ICA1L: variants seen among roughly 807,000 people sequenced by gnomAD.
ICA1L encodes islet cell autoantigen 1 like, also known as islet cell autoantigen 1-like protein.
Under a neutral mutation model 61.3 loss-of-function variants are expected in ICA1L, and 50 were observed. That is an observed-to-expected ratio of 0.82 (90% confidence interval 0.65 to 1.03). The LOEUF (loss-of-function observed/expected upper bound fraction) is 1.03, where lower values mean the gene tolerates loss of function less well. ICA1L is among the 50% of genes least tolerant of loss of function. ICA1L has a pLI of 0.00. For synonymous variants in ICA1L, 161 were observed against 191.3 expected (o/e 0.84, Z 1.31); for missense variants, 508 against 556.7 (o/e 0.91, Z 0.88).
intron 4 of ICA1L, 58 bp from the exon 5 acceptor site, chr2:202,819,957 A>G (rs1693653427): frequency 3.0e-6 from 4 of 1,314,474 alleles, no homozygotes; most frequent in Non-Finnish European, 4.3e-6. Flanking sequence ...AAACAAAACA[A>G]AGGTTTAAAC....
intron 10 of ICA1L, among the ~76,000 whole-genome samples, chr2:202,789,615 C>T (rs566882378): frequency 6.6e-6 from 1 of 152,116 alleles, no homozygotes; most frequent in South Asian, 2.1e-4. Flanking sequence ...ACAACATGCT[C>T]TGATCATAAT....
intron 9 of ICA1L, among the ~76,000 whole-genome samples, chr2:202,801,780 C>T (rs559243378): frequency 1.4e-4 from 22 of 152,258 alleles, no homozygotes; most frequent in East Asian, 1.3e-3. Flanking sequence ...CCTTGGCAAA[C>T]GCAAGGAAAC....
At chr2:202,837,678 C>T (rs948854285) in intron 1 of ICA1L, among the ~76,000 whole-genome samples, 5 of 151,048 alleles carry the variant, frequency 3.3e-5, no homozygotes, top group African/African-American at 1.2e-4. Context: ...TAACTTTGGG[C>T]TTAGTTTGTT....
Position 202,848,061 on chromosome 2 carries a change from T to C in ICA1L, c.-7-19045A>G, listed in dbSNP as rs533290264. 5.9e-5 allele frequency among the ~76,000 whole-genome samples: 9 copies of C among 152,226 alleles called. No individual in the cohort carries two copies. The East Asian group carries it at 1.7e-3, about 29-fold the overall frequency. On this transcript the variant is annotated intron_variant, in intron 1 of 12. Coordinates refer to ENST00000358299, the MANE Select transcript of ICA1L (RefSeq NM_001288622.3). The stretch of plus-strand genomic sequence containing the variant: ...CACATGGACATAAAGATGGGAATAG[T>C]AGACACTGGGGACTACTGGAGTGGG...
chr2:202,806,670 T>TA (rs929735848), intron 9 of ICA1L, among the ~76,000 whole-genome samples: 21 of 150,946 alleles, frequency 1.4e-4, no homozygotes, highest in African/African-American at 4.4e-4. Flanking sequence ...GAAGAAAAGG[T>TA]AAAAAAAAGA....
chr2:202,777,878 T>C lies in ICA1L; in HGVS notation c.*1655A>G, dbSNP rs1692274115. The stretch of plus-strand genomic sequence containing the variant: ...TGTGAATAACTTAGTTAAAATGTCT[T>C]TTTTTTTTTTTTTTTTTTTTGAGAC... On this transcript the variant is annotated 3_prime_UTR_variant, in exon 13 of 13. Coordinates refer to ENST00000358299, the MANE Select transcript of ICA1L (RefSeq NM_001288622.3). 4 of 111,580 alleles carry C rather than the reference T, an allele frequency of 3.6e-5. No individual in the cohort carries two copies. The highest frequency in any genetic ancestry group is 2.7e-4 in the Admixed American group (3 of 11,152). The allele number at this position is 111,580 out of a possible 1,614,324, so 6.9% of individuals were successfully genotyped here.
intron 11 of ICA1L, chr2:202,786,561 A>T (rs1336546409): frequency 4.0e-6 from 1 of 249,208 alleles, no homozygotes; most frequent in African/African-American, 2.3e-5. Flanking sequence ...GTCTCAAAAA[A>T]AAAATAATAA....
At chr2:202,866,979 C>A (rs1000711377) in intron 1 of ICA1L, among the ~76,000 whole-genome samples, 1 of 152,084 alleles carries the variant, frequency 6.6e-6, no homozygotes, top group African/African-American at 2.4e-5. Flanking sequence ...AGAAAAAAAT[C>A]TTTGCAACCT....
At chr2:202,780,793 T>C (rs1179237737) in intron 12 of ICA1L, among the ~76,000 whole-genome samples, 2 of 152,146 alleles carry the variant, frequency 1.3e-5, no homozygotes, top group East Asian at 3.8e-4. Flanking sequence ...GTAGTATCAG[T>C]GATAACCACA....
intron 9 of ICA1L, among the ~76,000 whole-genome samples, chr2:202,803,197 C>A (rs1187316202): frequency 6.6e-6 from 1 of 152,018 alleles, no homozygotes; most frequent in Non-Finnish European, 1.5e-5. Flanking sequence ...CACCTGAGGT[C>A]AGGAGTTCGA....
chr2:202,839,558 C>CTCTG (rs1694258836), intron 1 of ICA1L, among the ~76,000 whole-genome samples: 2 of 114,432 alleles, frequency 1.7e-5, no homozygotes, highest in African/African-American at 7.6e-5. Flanking sequence ...ACAGTTAAGT[C>CTCTG]TGTGTGTGTG....
intron 1 of ICA1L, among the ~76,000 whole-genome samples, chr2:202,832,240 C>CA (rs987589758): frequency 4.6e-5 from 7 of 151,856 alleles, no homozygotes; most frequent in Admixed American, 4.6e-4. Flanking sequence ...AGTATCCAAT[C>CA]AAAAAACACT....
chr2:202,793,747 G>A (rs902358165), intron 10 of ICA1L, among the ~76,000 whole-genome samples: 4 of 152,048 alleles, frequency 2.6e-5, no homozygotes, highest in Non-Finnish European at 5.9e-5. Context: ...AGCACTTTGG[G>A]AGGCCGAGGC....
chr2:202,825,931 G>T (rs181346317), intron 2 of ICA1L, among the ~76,000 whole-genome samples, 164 bp from the exon 3 acceptor site: 1 of 152,106 alleles, frequency 6.6e-6, no homozygotes, highest in African/African-American at 2.4e-5. Flanking sequence ...TTTTACTTCC[G>T]ATGTAGAAAG....
intron 1 of ICA1L, among the ~76,000 whole-genome samples, chr2:202,850,766 T>C (rs1363206988): frequency 6.6e-6 from 1 of 152,010 alleles, no homozygotes; most frequent in African/African-American, 2.4e-5. Context: ...AGGTTGACAT[T>C]CAAATTCAGG....
chr2:202,824,886 A>G (rs1693794587), intron 3 of ICA1L, among the ~76,000 whole-genome samples: 1 of 152,198 alleles, frequency 6.6e-6, no homozygotes, highest in Admixed American at 6.5e-5. Context: ...AAGTGAAGAA[A>G]GTGTATCAAG....
At chr2:202,858,953 T>C (rs1338429274) in intron 1 of ICA1L, among the ~76,000 whole-genome samples, 1 of 152,228 alleles carries the variant, frequency 6.6e-6, no homozygotes, top group Non-Finnish European at 1.5e-5. Flanking sequence ...CGTATCCCTG[T>C]TGCTATGTGG....
intron 1 of ICA1L, among the ~76,000 whole-genome samples, chr2:202,857,067 T>G (rs2105885916): frequency 6.6e-6 from 1 of 152,310 alleles, no homozygotes; most frequent in South Asian, 2.1e-4. Flanking sequence ...CAAAGTAATT[T>G]ATAGATTCAA....
At chr2:202,817,592 G>C in intron 5 of ICA1L, 49 bp from the exon 6 acceptor site, 5 of 1,088,114 alleles carry the variant, frequency 4.6e-6, no homozygotes, top group Non-Finnish European at 6.5e-6. Context: ...TATAAATATA[G>C]TATGTTATTA....
Sources: gnomAD v4.1 joint callset for allele counts (sites outside exome capture counted in the v4.1 genomes callset) on GRCh38, gnomAD v4.1.1 for gene constraint, MANE v1.5 for transcripts, NCBI Gene and HGNC (gene_info 2026-07-23, HGNC 2026-07-21) for gene names.